Variants in FKBPL observed in about 807,000 individuals in gnomAD.
FKBPL encodes the protein FK506-binding protein-like.
Under a neutral mutation model 27.9 loss-of-function variants are expected in FKBPL, and 31 were observed. The ratio of observed to expected loss-of-function variants is 1.11; its 90% confidence interval spans 0.83 to 1.50. The LOEUF is 1.50. Among genes scored for constraint, FKBPL ranks in the 40% most tolerant of loss-of-function variants. The pLI is 0.00. For missense variants in FKBPL, 355 were observed against 425.9 expected (o/e 0.83, Z 1.46); for synonymous variants, 134 against 169.5 (o/e 0.79, Z 1.63).
At position 32,129,078 on chromosome 6, in the gene FKBPL, G is replaced by A. The variant is rs988118767; in HGVS notation, c.703C>T (p.Arg235Trp). 3.1e-6 allele frequency: 5 copies of A among 1,614,246 alleles called. No homozygotes were observed. Among genetic ancestry groups the A allele is most frequent in the Admixed American group, 1.7e-5 (1 of 60,030 alleles). Residue 235 changes from arginine (R) to tryptophan (W), a missense_variant, in exon 2 of 2, where the codon CGG becomes TGG. Arg to Trp is a moderately radical substitution (Grantham distance 101). Transcript: ENST00000375156. The surrounding 1 kb of genome is among the most constrained non-coding windows in gnomAD (Gnocchi z 4.5). ...NPEGAARCYG[R>W]ALRLLLTLPP... is the part of the protein sequence containing the mutation. Reference sequence around the variant, plus strand: ...AAAGTCAGGAGCAGCCGAAGAGCCCGTCCATAGCATCGGGCAGCTCCTTCA... The same window carrying A: ...AAAGTCAGGAGCAGCCGAAGAGCCCATCCATAGCATCGGGCAGCTCCTTCA...
chr6:32,128,911 G>A lies in FKBPL; in HGVS notation c.870C>T (p.Tyr290=), dbSNP rs1782122232. The part of the protein sequence containing the change: ...EREPGHLKAL[Y]RRGVAQAALG... ...GGGCAGCCTGGGCAACCCCCCTTCGGTATAAGGCCTTTAAATGGCCAGGCT... is the reference window on the plus strand; with the variant it reads ...GGGCAGCCTGGGCAACCCCCCTTCGATATAAGGCCTTTAAATGGCCAGGCT... The change falls in exon 2 of 2, where the codon TAC becomes TAT. Residue 290 remains tyrosine (Y), a synonymous_variant. Transcript: ENST00000375156. The A allele has an allele frequency of 1.9e-6, 3 of 1,614,160 alleles. No individual in the cohort carries two copies. Among genetic ancestry groups the A allele is most frequent in the Non-Finnish European group, 1.7e-6 (2 of 1,180,026 alleles).
Position 32,129,313 on chromosome 6 carries a change from C to T in FKBPL, c.468G>A (p.Trp156Ter). 2 of 1,614,260 alleles carry T rather than the reference C, an allele frequency of 1.2e-6. No individual in the cohort carries two copies. Among genetic ancestry groups the T allele is most frequent in the Non-Finnish European group, 1.7e-6 (2 of 1,180,042 alleles). The change falls in exon 2 of 2, where the codon TGG becomes TGA. Residue 156 changes from tryptophan (W) to a stop codon, truncating the protein, a stop_gained. Transcript: ENST00000375156. LOFTEE classifies it high-confidence loss of function. The surrounding 1 kb of genome is among the most constrained non-coding windows in gnomAD (Gnocchi z 4.5). ...CCAAGCATTTCTCTATGAGCTCCCC[C>T]CAAGTTTCCTCCCTCCATGGCCCTA... ...MGVGPWREET[W>*]GELIEKCLES...
chr6:32,128,917 G>A lies in FKBPL; in HGVS notation c.864C>T (p.Ala288=). The A allele has an allele frequency of 2.5e-6, 4 of 1,614,170 alleles. No homozygotes were observed. Among genetic ancestry groups the A allele is most frequent in the Non-Finnish European group, 3.4e-6 (4 of 1,180,024 alleles). Residue 288 remains alanine, a synonymous_variant, in exon 2 of 2, where the codon GCC becomes GCT. Coordinates refer to ENST00000375156, the MANE Select transcript of FKBPL (RefSeq NM_022110.4). ...VLEREPGHLK[A]LYRRGVAQAA... ...CCTGGGCAACCCCCCTTCGGTATAA[G>A]GCCTTTAAATGGCCAGGCTCCCGCT...
Position 32,128,873 on chromosome 6 carries a change from T to G in FKBPL, c.908A>C (p.Glu303Ala). The G allele has an allele frequency of 1.9e-6, 3 of 1,614,222 alleles. No individual in the cohort carries two copies. The highest frequency in any genetic ancestry group is 2.5e-6 in the Non-Finnish European group (3 of 1,180,032). The change falls in exon 2 of 2, where the codon GAA (glutamate) becomes GCA (alanine). Residue 303 changes from glutamate to alanine, a missense_variant. By Grantham distance (107) the Glu-to-Ala change is moderately radical. Coordinates refer to ENST00000375156, the MANE Select transcript of FKBPL (RefSeq NM_022110.4). ...GVAQAALGNL[E>A]KATADLKKVL... ...CTTCTTGAGGTCAGCAGTTGCTTTT[T>G]CCAGGTTCCCAAGGGCAGCCTGGGC...
chr6:32,130,044 C>A, intron 1 of FKBPL, 51 bp downstream of exon 1: 1 of 581,948 alleles, frequency 1.7e-6, no homozygotes, highest in Non-Finnish European at 3.0e-6. Context: ...CAATTCCCTG[C>A]GGTTAAGGTA....
Position 32,128,795 on chromosome 6 carries a change from A to G in FKBPL, c.986T>C (p.Val329Ala), listed in dbSNP as rs768272927. The G allele has an allele frequency of 1.9e-6, 3 of 1,614,048 alleles. No individual in the cohort carries two copies. Among genetic ancestry groups the G allele is most frequent in the Non-Finnish European group, 2.5e-6 (3 of 1,180,036 alleles). Residue 329 changes from valine (V) to alanine (A), a missense_variant, in exon 2 of 2, where the codon GTG becomes GCG. Physicochemically the swap from Val to Ala is moderately conservative, Grantham distance 64. Coordinates refer to ENST00000375156, the MANE Select transcript of FKBPL (RefSeq NM_022110.4). ...ATCCTGGTTCTTCCCCTGAATGACC[A>G]CCTTCCCCAGTTCCTCCTGGGCTGC... The part of the protein sequence containing the change: ...NRAAQEELGK[V>A]VIQGKNQDAG...
Position 32,129,837 on chromosome 6 carries a change from C to A in FKBPL, c.-57G>T. 2 of 1,513,134 alleles carry A rather than the reference C, an allele frequency of 1.3e-6. No individual in the cohort carries two copies. The highest frequency in any genetic ancestry group is 2.3e-5 in the South Asian group (2 of 86,216). 93.7% of individuals were successfully genotyped at this position (1,513,134 alleles called of 1,614,324 possible). The stretch of plus-strand genomic sequence containing the variant: ...ACAGTTTTGGTCAGAAAGGGATGAA[C>A]CAGGTTCAGGTCAGCACCTGAAAAG... On this transcript the variant is annotated 5_prime_UTR_variant, in exon 2 of 2. Coordinates refer to ENST00000375156, the MANE Select transcript of FKBPL (RefSeq NM_022110.4). The surrounding 1 kb of genome is among the most constrained non-coding windows in gnomAD (Gnocchi z 4.5).
Position 32,129,918 on chromosome 6 carries a change from C to A in FKBPL, c.-74-64G>T. The A allele has an allele frequency of 1.2e-6, 1 of 842,998 alleles. No homozygotes were observed. Among genetic ancestry groups the A allele is most frequent in the Non-Finnish European group, 2.0e-6 (1 of 509,392 alleles). The allele number at this position is 842,998 out of a possible 1,614,324, so 52.2% of individuals were successfully genotyped here. A position where few individuals can be genotyped will look rare whatever the true frequency, so the allele number is the denominator to read the frequency against. On this transcript the variant is annotated intron_variant, in intron 1 of 1. Coordinates refer to ENST00000375156, the MANE Select transcript of FKBPL (RefSeq NM_022110.4). The surrounding 1 kb of genome is among the most constrained non-coding windows in gnomAD (Gnocchi z 4.5). ...TATTTAGACTCCTTTCTCGTCCTTT[C>A]CCATTCTTCTGAGACCCAGGCCCCT...
In FKBPL at chr6:32,129,575, A is replaced by G. The variant is rs1381752753; in HGVS notation, c.206T>C (p.Leu69Pro). The change falls in exon 2 of 2, where the codon CTG (leucine) becomes CCG (proline). Residue 69 changes from leucine (L) to proline (P), a missense_variant. Leu to Pro is a moderately conservative substitution (Grantham distance 98). Transcript: ENST00000375156. This position sits in a 1 kb window ranked among gnomAD's most constrained non-coding sequence, Gnocchi z 4.5. ...ILEHTQGAEK[L>P]VAELEGDSHK... The stretch of plus-strand genomic sequence containing the variant: ...AGAGTCTCCTTCAAGTTCAGCAACC[A>G]GTTTTTCAGCTCCTTGAGTATGCTC... 1.2e-6 allele frequency: 2 copies of G among 1,614,176 alleles called. No homozygotes were observed. The highest frequency in any genetic ancestry group is 1.7e-6 in the Non-Finnish European group (2 of 1,180,034).
rs1341726108 is a variant in FKBPL, at chr6:32,129,819, T to A, written c.-39A>T. 2 of 1,586,682 alleles carry A rather than the reference T, an allele frequency of 1.3e-6. No individual in the cohort carries two copies. The highest frequency in any genetic ancestry group is 1.7e-6 in the Non-Finnish European group (2 of 1,163,616). ...CCCTTCCACGGTGAGTGAACAGTTT[T>A]GGTCAGAAAGGGATGAACCAGGTTC... On this transcript the variant is annotated 5_prime_UTR_variant, in exon 2 of 2. Coordinates refer to ENST00000375156, the MANE Select transcript of FKBPL (RefSeq NM_022110.4). This position sits in a 1 kb window ranked among gnomAD's most constrained non-coding sequence, Gnocchi z 4.5.
rs1490176637 is a variant in FKBPL, at chr6:32,129,073, A to G, written c.708T>C (p.Ala236=). The G allele has an allele frequency of 1.2e-6, 2 of 1,614,242 alleles. No homozygotes were observed. The highest frequency in any genetic ancestry group is 1.7e-6 in the Non-Finnish European group (2 of 1,180,050). The change falls in exon 2 of 2, where the codon GCT becomes GCC. Residue 236 remains alanine (A), a synonymous_variant. Coordinates refer to ENST00000375156, the MANE Select transcript of FKBPL (RefSeq NM_022110.4). The surrounding 1 kb of genome is among the most constrained non-coding windows in gnomAD (Gnocchi z 4.5). ...GGGGTAAAGTCAGGAGCAGCCGAAG[A>G]GCCCGTCCATAGCATCGGGCAGCTC... ...PEGAARCYGR[A]LRLLLTLPPP...
chr6:32,129,751 T>G lies in FKBPL; in HGVS notation c.30A>C (p.Gly10=), dbSNP rs1295656746. Residue 10 remains glycine (G), a synonymous_variant, in exon 2 of 2, where the codon GGA becomes GGC. Coordinates refer to ENST00000375156, the MANE Select transcript of FKBPL (RefSeq NM_022110.4). The surrounding 1 kb of genome is among the most constrained non-coding windows in gnomAD (Gnocchi z 4.5). ...GTTGCGGCTGAGAGGTGTCCTTTTC[T>G]CCAATTGTATTGACTGGTGGCGTCT... METPPVNTI[G]EKDTSQPQQE... is the part of the protein sequence containing the mutation. 1 of 1,613,894 alleles carries G rather than the reference T, an allele frequency of 6.2e-7. No homozygotes were observed. Among genetic ancestry groups the G allele is most frequent in the African/African-American group, 1.3e-5 (1 of 74,906 alleles).
At position 32,129,809 on chromosome 6, in the gene FKBPL, T is replaced by C. The variant is rs1782171373; in HGVS notation, c.-29A>G. ...GATGCTTAGTCCCTTCCACGGTGAG[T>C]GAACAGTTTTGGTCAGAAAGGGATG... On this transcript the variant is annotated 5_prime_UTR_variant, in exon 2 of 2. Transcript: ENST00000375156. This position sits in a 1 kb window ranked among gnomAD's most constrained non-coding sequence, Gnocchi z 4.5. 3.8e-6 allele frequency: 6 copies of C among 1,595,426 alleles called. No homozygotes were observed. Among genetic ancestry groups the C allele is most frequent in the African/African-American group, 2.7e-5 (2 of 74,598 alleles).
chr6:32,130,189 T>G lies in FKBPL; in HGVS notation c.-169A>C. On this transcript the variant is annotated 5_prime_UTR_variant, in exon 1 of 2. Transcript: ENST00000375156. ...GCTAAATGGCTACTGAATGCTGCCC[T>G]CGGAGCCTTGCCCCACGCGGAGAGG... 1 of 232,084 alleles carries G rather than the reference T, an allele frequency of 4.3e-6. No individual in the cohort carries two copies. Among genetic ancestry groups the G allele is most frequent in the Non-Finnish European group, 8.6e-6 (1 of 116,006 alleles). 14.4% of individuals were successfully genotyped at this position (232,084 alleles called of 1,614,324 possible).
chr6:32,129,361 G>C lies in FKBPL; in HGVS notation c.420C>G (p.Gly140=). Residue 140 remains glycine (G), a synonymous_variant, in exon 2 of 2, where the codon GGC becomes GGG. Transcript: ENST00000375156. This position sits in a 1 kb window ranked among gnomAD's most constrained non-coding sequence, Gnocchi z 4.5. ...CTACGCCCATAGTTAGCTCTGTCCA[G>C]CCCTCTGGCGGCCCTGATCCGAAAG... ...GFPFGSGPPE[G]WTELTMGVGP... 6.2e-7 allele frequency: 1 copy of C among 1,614,216 alleles called. No homozygotes were observed. Among genetic ancestry groups the C allele is most frequent in the Non-Finnish European group, 8.5e-7 (1 of 1,180,032 alleles).
chr6:32,130,037 T>A (rs1782179152), intron 1 of FKBPL, 58 bp downstream of exon 1: 1 of 577,330 alleles, frequency 1.7e-6, no homozygotes, highest in Admixed American at 3.1e-5. Context: ...AATTCCACAA[T>A]TCCCTGCGGT....
chr6:32,129,624 G>C lies in FKBPL; in HGVS notation c.157C>G (p.Pro53Ala). The change falls in exon 2 of 2, where the codon CCA (proline) becomes GCA (alanine). Residue 53 changes from proline to alanine, a missense_variant. Coordinates refer to ENST00000375156, the MANE Select transcript of FKBPL (RefSeq NM_022110.4). The surrounding 1 kb of genome is among the most constrained non-coding windows in gnomAD (Gnocchi z 4.5). ...PTETLELEVS[P>A]DPASQILEHT... is the part of the protein sequence containing the mutation. The stretch of plus-strand genomic sequence containing the variant: ...TCTAGAATTTGGCTGGCTGGATCTG[G>C]GCTTACTTCCAGCTCAAGCGTTTCG... 1 of 1,614,134 alleles carries C rather than the reference G, an allele frequency of 6.2e-7. No individual in the cohort carries two copies. Among genetic ancestry groups the C allele is most frequent in the Non-Finnish European group, 8.5e-7 (1 of 1,180,026 alleles).
rs117160266 is a variant in FKBPL, at chr6:32,129,698, T to C, written c.83A>G (p.Asn28Ser). Residue 28 changes from asparagine to serine, a missense_variant, in exon 2 of 2, where the codon AAC becomes AGC. Physicochemically the swap from Asn to Ser is conservative, Grantham distance 46. Transcript: ENST00000375156. This position sits in a 1 kb window ranked among gnomAD's most constrained non-coding sequence, Gnocchi z 4.5. ...QQEWEKNLRENLDSVIQIRQQ... is the reference protein window; with the variant it reads ...QQEWEKNLRESLDSVIQIRQQ... ...CCTAATCTGAATAACTGAATCAAGGTTCTCCCGAAGGTTCTTTTCCCACTC... is the reference window on the plus strand; with the variant it reads ...CCTAATCTGAATAACTGAATCAAGGCTCTCCCGAAGGTTCTTTTCCCACTC... 6,999 of 1,614,110 alleles carry C rather than the reference T, an allele frequency of 4.3e-3. 38 individuals carry two copies. Among genetic ancestry groups the C allele is most frequent in the East Asian group, 0.015 (673 of 44,874 alleles).
At position 32,129,899 on chromosome 6, in the gene FKBPL, G is replaced by T. The variant is rs1782174891; in HGVS notation, c.-74-45C>A. ...ATGCTAATAGCAGGGTTCTTATTTA[G>T]ACTCCTTTCTCGTCCTTTCCCATTC... On this transcript the variant is annotated intron_variant, in intron 1 of 1. Transcript: ENST00000375156. The surrounding 1 kb of genome is among the most constrained non-coding windows in gnomAD (Gnocchi z 4.5). 1.1e-6 allele frequency: 1 copy of T among 916,796 alleles called. No individual in the cohort carries two copies. Among genetic ancestry groups the T allele is most frequent in the African/African-American group, 1.6e-5 (1 of 60,766 alleles). 56.8% of individuals were successfully genotyped at this position (916,796 alleles called of 1,614,324 possible).
Sources: allele counts gnomAD v4.1 joint callset, GRCh38; gene constraint gnomAD v4.1.1; non-coding constraint Gnocchi (gnomAD v3.1); transcripts MANE v1.5; gene names NCBI Gene and HGNC (gene_info 2026-07-23, HGNC 2026-07-21).